CAMKMT: variants seen among roughly 807,000 people sequenced by gnomAD.
CAMKMT encodes the protein calmodulin-lysine N-methyltransferase, also known as CaM KMT.
A neutral mutation model predicts 48.0 loss-of-function variants in CAMKMT; 53 were observed. That is an observed-to-expected ratio of 1.10 (90% CI 0.89 to 1.39). The LOEUF (loss-of-function observed/expected upper bound fraction) is 1.39. Ranked by LOEUF, CAMKMT falls within the 40% of genes most tolerant of loss-of-function variation. The pLI, the probability that CAMKMT is intolerant of heterozygous loss-of-function variation, is 0.00. For synonymous variants in CAMKMT, 165 were observed against 152.3 expected, an observed-to-expected ratio of 1.08 and a Z score of -0.61; for missense variants, 428 against 402.7, an observed-to-expected ratio of 1.06 and a Z score of -0.54.
At chr2:44,560,595 CTGAT>C (rs1340519578) in intron 3 of CAMKMT, among the ~76,000 whole-genome samples, 3 of 152,164 alleles carry the variant, frequency 2.0e-5, no homozygotes, top group East Asian at 1.9e-4. Flanking sequence ...TAATGATAGA[CTGAT>C]TGACCAGTCT....
intron 3 of CAMKMT, among the ~76,000 whole-genome samples, chr2:44,464,523 G>C (rs698801): frequency 0.63 from 95,353 of 152,036 alleles, 30,485 homozygotes; most frequent in Admixed American, 0.69. Context: ...CAGAAGAGGT[G>C]CACACTGTGA....
rs1558581869 is a variant in CAMKMT, at chr2:44,402,591, CAT to C, written c.376+12289_376+12290del. 7.9e-5 allele frequency among the ~76,000 whole-genome samples: 12 copies of C among 151,886 alleles called. No individual in the cohort carries two copies. In the South Asian group the frequency reaches 2.1e-3, roughly 26 times the overall value. The stretch of plus-strand genomic sequence containing the variant: ...TTGGGCACTTTTCAGTTTAGAAAGT[CAT>C]ATTTTTCAGTCTGGAAAATTTTTTT... On this transcript the variant is annotated intron_variant, in intron 3 of 10. Transcript: ENST00000378494.
At chr2:44,560,599 T>C (rs1472550263) in intron 3 of CAMKMT, among the ~76,000 whole-genome samples, 2 of 152,186 alleles carry the variant, frequency 1.3e-5, no homozygotes, top group African/African-American at 4.8e-5. Context: ...GATAGACTGA[T>C]TGACCAGTCT....
intron 7 of CAMKMT, among the ~76,000 whole-genome samples, chr2:44,724,189 T>A (rs1678645570): frequency 6.6e-6 from 1 of 152,188 alleles, no homozygotes; most frequent in Non-Finnish European, 1.5e-5. Flanking sequence ...GAGGATTGCT[T>A]GAGGCCAGGA....
intron 7 of CAMKMT, among the ~76,000 whole-genome samples, chr2:44,716,204 T>A (rs1321216871): frequency 6.6e-6 from 1 of 152,180 alleles, no homozygotes; most frequent in African/African-American, 2.4e-5. Context: ...TCATTTGGTA[T>A]TTTGAATTTT....
chr2:44,481,172 C>T (rs1259804985), intron 3 of CAMKMT, among the ~76,000 whole-genome samples: 2 of 151,994 alleles, frequency 1.3e-5, no homozygotes, highest in African/African-American at 4.8e-5. Flanking sequence ...ACCTCACATG[C>T]TCTTAGTAAT....
chr2:44,395,212 T>A (rs923178618), intron 3 of CAMKMT, among the ~76,000 whole-genome samples: 1 of 152,172 alleles, frequency 6.6e-6, no homozygotes, highest in Non-Finnish European at 1.5e-5. Context: ...CAGCTTGGAT[T>A]TTAAAATGCT....
chr2:44,724,788 A>G (rs968974562), intron 7 of CAMKMT, among the ~76,000 whole-genome samples: 2 of 152,172 alleles, frequency 1.3e-5, no homozygotes, highest in African/African-American at 4.8e-5. Context: ...TGTCTACATC[A>G]CAGCTTTTAG....
chr2:44,719,051 G>A (rs531952550), intron 7 of CAMKMT, among the ~76,000 whole-genome samples: 1 of 152,264 alleles, frequency 6.6e-6, no homozygotes, highest in African/African-American at 2.4e-5. Flanking sequence ...GTAGAATCCA[G>A]TGGTTGATTT....
intron 2 of CAMKMT, among the ~76,000 whole-genome samples, chr2:44,376,861 A>T (rs546135355): frequency 3.3e-5 from 5 of 152,308 alleles, no homozygotes; most frequent in African/African-American, 1.2e-4. Context: ...TTAGGTTACA[A>T]AACTCCCAAG....
intron 3 of CAMKMT, among the ~76,000 whole-genome samples, chr2:44,470,736 T>A (rs1668370365): frequency 6.6e-6 from 1 of 152,214 alleles, no homozygotes; most frequent in Non-Finnish European, 1.5e-5. Flanking sequence ...GCGTATTATC[T>A]GTCTTTTGAA....
At chr2:44,417,189 C>T (rs1572822172) in intron 3 of CAMKMT, among the ~76,000 whole-genome samples, 2 of 152,022 alleles carry the variant, frequency 1.3e-5, no homozygotes, top group East Asian at 3.9e-4. Flanking sequence ...GTCAGGAGTT[C>T]AAGACCAGCC....
At chr2:44,614,935 G>GTTTTTTT (rs1671789368) in intron 3 of CAMKMT, among the ~76,000 whole-genome samples, 1 of 33,878 alleles carries the variant, frequency 3.0e-5, no homozygotes, top group African/African-American at 1.4e-4. Flanking sequence ...TGGTCTCCTT[G>GTTTTTTT]CTTTTTTTTT....
chr2:44,452,753 G>A (rs1410146852), intron 3 of CAMKMT, among the ~76,000 whole-genome samples: 2 of 151,912 alleles, frequency 1.3e-5, no homozygotes, highest in Non-Finnish European at 2.9e-5. Flanking sequence ...TGAAAATAAA[G>A]ACTAGTGAAA....
At chr2:44,421,662 G>T (rs1211054579) in intron 3 of CAMKMT, among the ~76,000 whole-genome samples, 3 of 152,006 alleles carry the variant, frequency 2.0e-5, no homozygotes, top group Non-Finnish European at 4.4e-5. Flanking sequence ...AATTGTTCCA[G>T]GTAAAATACC....
At chr2:44,615,042 C>G (rs1257595396) in intron 3 of CAMKMT, among the ~76,000 whole-genome samples, 2 of 142,508 alleles carry the variant, frequency 1.4e-5, no homozygotes, top group African/African-American at 2.6e-5. Context: ...ATCCTGCCAT[C>G]TCTGCCACCT....
At chr2:44,493,348 A>C (rs991933027) in intron 3 of CAMKMT, among the ~76,000 whole-genome samples, 1 of 152,190 alleles carries the variant, frequency 6.6e-6, no homozygotes, top group Non-Finnish European at 1.5e-5. Context: ...TATATTTGAA[A>C]ACAAAGTAGC....
At chr2:44,650,056 T>A (rs1673970564) in intron 3 of CAMKMT, among the ~76,000 whole-genome samples, 1 of 152,214 alleles carries the variant, frequency 6.6e-6, no homozygotes, top group Non-Finnish European at 1.5e-5. Context: ...TTTGTTTTAG[T>A]TCTCTGGGGT....
rs1351381742 is a variant in CAMKMT, at chr2:44,751,129, C to G, written c.699-2926C>G. 3.3e-5 allele frequency among the ~76,000 whole-genome samples: 5 copies of G among 152,156 alleles called. No individual in the cohort carries two copies. In the East Asian group the frequency reaches 7.7e-4, roughly 23 times the overall value. ...AGGGACCTGGGAGAACCTCCAAATT[C>G]TCTACTTCTTGTACTGAGCTTGGAA... On this transcript the variant is annotated intron_variant, in intron 8 of 10. Transcript: ENST00000378494.
Sources: allele counts gnomAD v4.1 joint callset (sites outside exome capture counted in the v4.1 genomes callset), GRCh38; gene constraint gnomAD v4.1.1; transcripts MANE v1.5; gene names NCBI Gene and HGNC (gene_info 2026-07-23, HGNC 2026-07-21).